The following ADGRV1 variants were observed in gnomAD, a reference collection of about 807,000 sequenced individuals.
The protein encoded by ADGRV1 is adhesion G protein-coupled receptor V1.
A neutral mutation model predicts 596.2 loss-of-function variants in ADGRV1; 359 were observed. The ratio of observed to expected loss-of-function variants is 0.60; its 90% CI spans 0.55 to 0.66. ADGRV1 has a LOEUF of 0.66. Among genes scored for constraint, ADGRV1 ranks in the 30% least tolerant of loss-of-function variants. The pLI, the probability that ADGRV1 is intolerant of heterozygous loss-of-function variation, is 0.00. For missense variants in ADGRV1, 7,274 were observed against 7,575.6 expected (o/e 0.96, Z 1.48); for synonymous variants, 2,681 against 2,679.2 (o/e 1.00, Z -0.02).
At chr5:90,755,683 A>G (rs185469891) in intron 55 of ADGRV1, among the ~76,000 whole-genome samples, 1 of 144,916 alleles carries the variant, frequency 6.9e-6, no homozygotes, top group African/African-American at 2.9e-5. Flanking sequence ...AAGAACAGAG[A>G]AAGAGAGGGG....
At chr5:91,034,284 G>A (rs1784700118) in intron 85 of ADGRV1, among the ~76,000 whole-genome samples, 2 of 152,056 alleles carry the variant, frequency 1.3e-5, no homozygotes, top group African/African-American at 4.8e-5. Context: ...ATAAGGTTTG[G>A]TTTACAAACT....
Position 90,684,027 on chromosome 5 carries a change from CAAGG to C in ADGRV1, c.6110_6113del (p.Gly2037GlufsTer21), listed in dbSNP as rs1417382266. ...TCCACCTAATTTAGCGAGAGCAACT[CAAGG>C]AAGAGACTATATACCAGCTTCTGGA... On this transcript the variant is annotated frameshift_variant, in exon 28 of 90. Transcript: ENST00000405460. LOFTEE classifies it high-confidence loss of function. The C allele has an allele frequency of 1.2e-6, 2 of 1,613,892 alleles. No individual in the cohort carries two copies. Among genetic ancestry groups the C allele is most frequent in the Admixed American group, 3.3e-5 (2 of 60,014 alleles).
intron 83 of ADGRV1, among the ~76,000 whole-genome samples, chr5:90,896,476 T>C (rs1370967947): frequency 6.6e-6 from 1 of 152,004 alleles, no homozygotes; most frequent in Non-Finnish European, 1.5e-5. Context: ...GGTTTTGCCA[T>C]GTTGCCCAGG....
intron 41 of ADGRV1, 110 bp downstream of exon 41, chr5:90,711,432 C>G (rs1749335797): frequency 1.2e-6 from 1 of 807,724 alleles, no homozygotes; most frequent in Non-Finnish European, 1.8e-6. Flanking sequence ...TCTTAAAAAC[C>G]ATTGTATTTT....
intron 85 of ADGRV1, among the ~76,000 whole-genome samples, chr5:90,988,684 A>G (rs1780700326): frequency 6.6e-6 from 1 of 152,150 alleles, no homozygotes; most frequent in South Asian, 2.1e-4. Context: ...GTACATGTGC[A>G]CAACGTGCAG....
At chr5:91,051,412 A>G (rs1180921897) in intron 85 of ADGRV1, among the ~76,000 whole-genome samples, 1 of 152,150 alleles carries the variant, frequency 6.6e-6, no homozygotes, top group Non-Finnish European at 1.5e-5. Context: ...ATTATTAAAT[A>G]CGCTTGTGTT....
chr5:90,948,910 A>G (rs572286164), intron 83 of ADGRV1, among the ~76,000 whole-genome samples: 3 of 152,248 alleles, frequency 2.0e-5, no homozygotes, highest in Middle Eastern at 3.4e-3. Context: ...GTCAAACATC[A>G]TAAGTCGGGG....
chr5:91,147,939 G>T (rs938571477), intron 87 of ADGRV1, among the ~76,000 whole-genome samples: 6 of 152,082 alleles, frequency 3.9e-5, no homozygotes, highest in Non-Finnish European at 7.4e-5. Flanking sequence ...AGGCAGAAGT[G>T]GTCTCAGATA....
At chr5:90,817,181 CA>C (rs1293135160) in intron 75 of ADGRV1, among the ~76,000 whole-genome samples, 1 of 151,348 alleles carries the variant, frequency 6.6e-6, no homozygotes, top group Non-Finnish European at 1.5e-5. Context: ...AGCATTTTTT[CA>C]TGTGTTTTTT....
intron 85 of ADGRV1, among the ~76,000 whole-genome samples, chr5:91,035,861 T>TTATATATATATATATATATATATATA (rs1554202360): frequency 2.1e-5 from 2 of 96,396 alleles, no homozygotes; most frequent in African/African-American, 7.6e-5. Flanking sequence ...TATATATATA[T>TTATATATATATATATATATATATATA]TATATATATA....
intron 85 of ADGRV1, among the ~76,000 whole-genome samples, chr5:91,028,551 A>G (rs369435358): frequency 3.3e-4 from 50 of 152,094 alleles, no homozygotes; most frequent in East Asian, 1.7e-3. Flanking sequence ...CCATTTACAC[A>G]TGACCAGACT....
At chr5:90,650,396 T>C (rs956240842) in intron 17 of ADGRV1, among the ~76,000 whole-genome samples, 4 of 152,250 alleles carry the variant, frequency 2.6e-5, no homozygotes, top group Non-Finnish European at 5.9e-5. Context: ...TTTTATTATA[T>C]GCTCTTTATT....
intron 26 of ADGRV1, 100 bp downstream of exon 26, chr5:90,679,729 G>T: frequency 1.5e-6 from 1 of 669,792 alleles, no homozygotes; most frequent in Non-Finnish European, 2.5e-6. Flanking sequence ...ACTATGTGTA[G>T]GTCCTTTACA....
chr5:91,016,185 C>T (rs953110313), intron 85 of ADGRV1, among the ~76,000 whole-genome samples: 1 of 151,872 alleles, frequency 6.6e-6, no homozygotes, highest in Admixed American at 6.6e-5. Flanking sequence ...TATTAATCAG[C>T]CTTTAATTGG....
At chr5:91,015,459 T>C (rs944650902) in intron 85 of ADGRV1, among the ~76,000 whole-genome samples, 4 of 152,118 alleles carry the variant, frequency 2.6e-5, no homozygotes, top group African/African-American at 9.6e-5. Flanking sequence ...CTCAATGGTC[T>C]ATCTAATACT....
At chr5:91,103,748 A>G (rs1264578886) in intron 87 of ADGRV1, among the ~76,000 whole-genome samples, 1 of 152,172 alleles carries the variant, frequency 6.6e-6, no homozygotes, top group Non-Finnish European at 1.5e-5. Flanking sequence ...CAGACCTGAT[A>G]TACTTCATTC....
intron 66 of ADGRV1, 104 bp downstream of exon 66, chr5:90,783,429 C>T: frequency 1.2e-6 from 1 of 818,534 alleles, no homozygotes; most frequent in South Asian, 1.6e-5. Flanking sequence ...TAATATGTGT[C>T]CATTGGAAAA....
chr5:90,705,457 C>T lies in ADGRV1; in HGVS notation c.8444C>T (p.Thr2815Ile). 6.2e-7 allele frequency: 1 copy of T among 1,613,970 alleles called. No homozygotes were observed. The highest frequency in any genetic ancestry group is 8.5e-7 in the Non-Finnish European group (1 of 1,179,852). Residue 2815 changes from threonine to isoleucine, a missense_variant, in exon 37 of 90, where the codon ACA becomes ATA. Around this residue, in one of 5 missense-constraint regions of ADGRV1, gnomAD observed 3,643 missense variants for 3,809.2 expected, o/e 0.96. Coordinates refer to ENST00000405460, the MANE Select transcript of ADGRV1 (RefSeq NM_032119.4). Reference sequence around the variant, plus strand: ...GCTCAAGGATATGCAGCTGTCCTCACAGTAGAAGCCAGTGATGAACCACAT... The same window carrying T: ...GCTCAAGGATATGCAGCTGTCCTCATAGTAGAAGCCAGTGATGAACCACAT... ...LDAQGYAAVLTVEASDEPHGV... is the reference protein window; with the variant it reads ...LDAQGYAAVLIVEASDEPHGV...
intron 85 of ADGRV1, among the ~76,000 whole-genome samples, chr5:91,010,543 A>C (rs1220417443): frequency 2.6e-5 from 4 of 152,100 alleles, no homozygotes; most frequent in African/African-American, 9.7e-5. Flanking sequence ...AATGAAATGA[A>C]AGGTTTTAGG....
Sources: allele counts gnomAD v4.1 joint callset (sites outside exome capture counted in the v4.1 genomes callset), GRCh38; gene constraint gnomAD v4.1.1; regional missense constraint gnomAD v4.1.1; transcripts MANE v1.5; gene names NCBI Gene and HGNC (gene_info 2026-07-23, HGNC 2026-07-21).